Variants in DOCK1 observed in about 807,000 individuals in gnomAD.
DOCK1 encodes the protein dedicator of cytokinesis 1, also known as dedicator of cytokinesis protein 1.
Under a neutral mutation model 262.7 loss-of-function variants are expected in DOCK1, and 138 were observed. The observed-to-expected ratio is 0.53, with a 90% confidence interval of 0.46 to 0.61. DOCK1 has a LOEUF of 0.61. DOCK1 is among the 20% of genes least tolerant of loss of function. The pLI is 0.00. For missense variants in DOCK1, 1,908 were observed against 2,370.7 expected (o/e 0.80, Z 4.05); for synonymous variants, 866 against 867.4 (o/e 1.00, Z 0.03).
intron 12 of DOCK1, among the ~76,000 whole-genome samples, chr10:127,013,910 G>T (rs577058421): frequency 6.6e-6 from 1 of 152,222 alleles, no homozygotes; most frequent in African/African-American, 2.4e-5. Flanking sequence ...ATCGGCCGCC[G>T]GGACTGCAGG....
At chr10:127,291,654 T>C (rs2061348761) in intron 29 of DOCK1, among the ~76,000 whole-genome samples, 1 of 152,222 alleles carries the variant, frequency 6.6e-6, no homozygotes, top group African/African-American at 2.4e-5. Flanking sequence ...CAGCTGAGCC[T>C]GCATCCCCAG....
chr10:127,031,105 G>C (rs148584021), intron 16 of DOCK1, among the ~76,000 whole-genome samples: 411 of 152,288 alleles, frequency 2.7e-3, no homozygotes, highest in Non-Finnish European at 4.4e-3. Context: ...TCACATGATG[G>C]ATATTGCAAG....
Position 127,100,402 on chromosome 10 carries a change from C to T in DOCK1, c.2446-5829C>T, listed in dbSNP as rs920451901. ...CCTGTGGCATGCAGCTGGGGCTTGG[C>T]GGTGCAGCGCCTGGCACTGGAATCC... On this transcript the variant is annotated intron_variant, in intron 23 of 51. Coordinates refer to ENST00000623213, the MANE Select transcript of DOCK1 (RefSeq NM_001290223.2). This position sits in a 1 kb window ranked among gnomAD's most constrained non-coding sequence, Gnocchi z 5.5. Among the ~76,000 whole-genome samples the T allele has an allele frequency of 6.6e-6, 1 of 152,122 alleles. No individual in the cohort carries two copies. Among genetic ancestry groups the T allele is most frequent in the East Asian group, 1.9e-4 (1 of 5,158 alleles).
At chr10:127,365,853 G>A (rs1159094731) in intron 33 of DOCK1, among the ~76,000 whole-genome samples, 2 of 152,182 alleles carry the variant, frequency 1.3e-5, no homozygotes, top group African/African-American at 2.4e-5. Context: ...CGAAGTTAAC[G>A]AGAGCCACAG....
intron 27 of DOCK1, among the ~76,000 whole-genome samples, chr10:127,196,877 G>A (rs185876755): frequency 2.0e-5 from 3 of 152,120 alleles, no homozygotes; most frequent in South Asian, 2.1e-4. Flanking sequence ...AGCCGCCTCC[G>A]GAGCAGCTGG....
intron 27 of DOCK1, among the ~76,000 whole-genome samples, chr10:127,236,205 A>G (rs2059043433): frequency 6.6e-6 from 1 of 152,062 alleles, no homozygotes; most frequent in Admixed American, 6.6e-5. Flanking sequence ...TAGGTCACAA[A>G]AGTTTTCTAT....
At position 127,125,040 on chromosome 10, in the gene DOCK1, C is replaced by T. The variant is rs1387322986; in HGVS notation, c.2624-434C>T. 2.0e-5 allele frequency among the ~76,000 whole-genome samples: 3 copies of T among 152,052 alleles called. No homozygotes were observed. The East Asian group carries it at 5.8e-4, about 29-fold the overall frequency. On this transcript the variant is annotated intron_variant, in intron 25 of 51. Coordinates refer to ENST00000623213, the MANE Select transcript of DOCK1 (RefSeq NM_001290223.2). ...GCTGAGGCGGGAGAATGGCGTGAAC[C>T]TGGGAGGCGGAGCTTGCAGTGAGCC...
intron 29 of DOCK1, among the ~76,000 whole-genome samples, chr10:127,298,962 A>G (rs897557425): frequency 2.6e-5 from 4 of 152,142 alleles, no homozygotes; most frequent in South Asian, 4.1e-4. Context: ...CAAGGTGTCT[A>G]TTGTAAGATA....
intron 1 of DOCK1, among the ~76,000 whole-genome samples, chr10:126,951,517 TTTG>T (rs1174335748): frequency 3.3e-5 from 5 of 151,266 alleles, no homozygotes; most frequent in African/African-American, 1.2e-4. Flanking sequence ...TAATGTTGTT[TTTG>T]TTGGTATTAT....
intron 51 of DOCK1, among the ~76,000 whole-genome samples, chr10:127,448,183 C>G (rs1413468807): frequency 6.6e-6 from 1 of 152,128 alleles, no homozygotes; most frequent in Non-Finnish European, 1.5e-5. Flanking sequence ...CTGGCTTCCT[C>G]CAGCAGCACT....
intron 19 of DOCK1, among the ~76,000 whole-genome samples, chr10:127,040,772 T>G (rs1009007588): frequency 6.6e-6 from 1 of 152,196 alleles, no homozygotes; most frequent in Non-Finnish European, 1.5e-5. Context: ...AATTACAGTT[T>G]CATTGAGATA....
intron 29 of DOCK1, among the ~76,000 whole-genome samples, chr10:127,328,119 C>CAAAA (rs11301683): frequency 8.3e-5 from 6 of 72,520 alleles, no homozygotes; most frequent in Admixed American, 3.4e-4. Context: ...TACAAATGGG[C>CAAAA]AAAAAAAAAA....
chr10:127,252,227 G>A lies in DOCK1; in HGVS notation c.2949+4118G>A, dbSNP rs551335285. Among the ~76,000 whole-genome samples, 946 of 138,664 alleles carry A rather than the reference G, an allele frequency of 6.8e-3. 11 individuals carry two copies. The highest frequency in any genetic ancestry group is 0.022 in the African/African-American group (902 of 40,114). 91.0% of individuals were successfully genotyped at this position (138,664 alleles called of 152,430 possible). A position where few individuals can be genotyped will look rare whatever the true frequency, so the allele number is the denominator to read the frequency against. On this transcript the variant is annotated intron_variant, in intron 28 of 51. Coordinates refer to ENST00000623213, the MANE Select transcript of DOCK1 (RefSeq NM_001290223.2). ...TCATGTCCTTCGCCCACTTTTTGAT[G>A]GGGTTGTTTGTTTTTTTCTTTTAAA...
At chr10:127,043,259 T>C in intron 21 of DOCK1, 95 bp downstream of exon 21, 4 of 948,080 alleles carry the variant, frequency 4.2e-6, no homozygotes, top group Non-Finnish European at 6.4e-6. Flanking sequence ...TGACTGTGTA[T>C]TTACTCCTGC....
chr10:126,976,371 A>G (rs61875505), intron 2 of DOCK1, among the ~76,000 whole-genome samples: 8,616 of 152,302 alleles, frequency 0.057, 265 homozygotes, highest in Middle Eastern at 0.11. Flanking sequence ...GGTCTTAGCA[A>G]AACCTTTGCC....
intron 1 of DOCK1, among the ~76,000 whole-genome samples, chr10:126,948,434 G>GTGA (rs1479302208): frequency 6.8e-6 from 1 of 147,990 alleles, no homozygotes; most frequent in Non-Finnish European, 1.5e-5. Flanking sequence ...GGTGGTGGTG[G>GTGA]TAATACTGCT....
chr10:127,158,570 G>A (rs1202309538), intron 27 of DOCK1, among the ~76,000 whole-genome samples: 1 of 152,146 alleles, frequency 6.6e-6, no homozygotes, highest in African/African-American at 2.4e-5. Flanking sequence ...AGTTAATGTT[G>A]ATGTAGCCAA....
At chr10:127,413,916 A>ATTTTTT (rs200195531) in intron 43 of DOCK1, among the ~76,000 whole-genome samples, 2 of 147,944 alleles carry the variant, frequency 1.4e-5, no homozygotes, top group Non-Finnish European at 3.0e-5. Flanking sequence ...GTTTTCTGAA[A>ATTTTTT]ATTTTTTTTT....
In DOCK1 at chr10:127,148,267, A is replaced by C. The variant is rs566179299; in HGVS notation, c.2847+20503A>C. On this transcript the variant is annotated intron_variant, in intron 27 of 51. Coordinates refer to ENST00000623213, the MANE Select transcript of DOCK1 (RefSeq NM_001290223.2). The stretch of plus-strand genomic sequence containing the variant: ...GAGGCCACTTTGTGTGGTGGCTGTG[A>C]TGATCCAGAAATGAAGCAGACACAG... 1.7e-4 allele frequency among the ~76,000 whole-genome samples: 26 copies of C among 152,260 alleles called. No individual in the cohort carries two copies. The South Asian group carries it at 4.4e-3, about 25-fold the overall frequency.
Sources: allele counts gnomAD v4.1 joint callset (sites outside exome capture counted in the v4.1 genomes callset), GRCh38; gene constraint gnomAD v4.1.1; non-coding constraint Gnocchi (gnomAD v3.1); transcripts MANE v1.5; gene names NCBI Gene and HGNC (gene_info 2026-07-23, HGNC 2026-07-21).